Variants in GLRA2 observed in about 807,000 individuals in gnomAD.
The protein encoded by GLRA2 is glycine receptor subunit alpha-2.
Under a neutral mutation model 31.6 loss-of-function variants are expected in GLRA2, and 11 were observed. That is an observed-to-expected ratio of 0.35 (90% CI 0.22 to 0.58). The LOEUF (loss-of-function observed/expected upper bound fraction) is 0.58, where lower values mean the gene tolerates loss of function less well. Ranked by LOEUF, GLRA2 falls within the 20% of genes least tolerant of loss-of-function variation. The pLI is 0.84. For missense variants in GLRA2, 212 were observed against 351.8 expected (o/e 0.60, Z 3.18); for synonymous variants, 132 against 134.0 (o/e 0.99, Z 0.10).
chrX:14,555,517 T>A (rs1356230065), intron 2 of GLRA2, among the ~76,000 whole-genome samples: 1 of 111,564 alleles, frequency 9.0e-6, no homozygotes, highest in East Asian at 2.8e-4. Flanking sequence ...AGGGCAACGG[T>A]TAAGACTTTC....
intron 2 of GLRA2, among the ~76,000 whole-genome samples, chrX:14,558,478 C>A (rs939550388): frequency 4.5e-5 from 5 of 111,717 alleles, no homozygotes; most frequent in East Asian, 5.6e-4. Context: ...AGTAGTATGA[C>A]CCAAATTCCA....
At position 14,730,459 on chromosome X, in the gene GLRA2, C is replaced by T. The variant is rs773738326; in HGVS notation, c.1333C>T (p.Arg445Trp). ...IFYWITYKII[R>W]HEDVHKK ...TTACTGGATCACATACAAGATCATT[C>T]GGCATGAAGATGTCCACAAGAAATA... The change falls in exon 9 of 9, where the codon CGG (arginine) becomes TGG (tryptophan). Residue 445 changes from arginine to tryptophan, a missense_variant. By Grantham distance (101) the Arg-to-Trp change is moderately radical. Around this residue, in one of 5 missense-constraint regions of GLRA2, gnomAD observed 42 missense variants for 52.0 expected, o/e 0.81. Transcript: ENST00000218075. The T allele has an allele frequency of 8.3e-7, 1 of 1,206,942 alleles. No homozygotes were observed. The highest frequency in any genetic ancestry group is 1.8e-5 in the South Asian group (1 of 56,816).
chrX:14,624,283 A>T (rs954919189), intron 7 of GLRA2, among the ~76,000 whole-genome samples: 2 of 110,429 alleles, frequency 1.8e-5, no homozygotes, highest in African/African-American at 6.6e-5. Context: ...TGTTTTGTTG[A>T]TCTTTTCAAA....
the GLRA2 span, among the ~76,000 whole-genome samples, chrX:14,465,198 G>T: frequency 9.0e-6 from 1 of 111,581 alleles, no homozygotes; most frequent in East Asian, 2.8e-4. Context: ...CCTTATAGAG[G>T]TATTTTTGTA....
At chrX:14,701,908 C>T (rs938464754) in intron 8 of GLRA2, among the ~76,000 whole-genome samples, 1 of 111,837 alleles carries the variant, frequency 8.9e-6, no homozygotes, top group Admixed American at 9.5e-5. Flanking sequence ...CTGGGGTAGA[C>T]AGGCTCAGAC....
intron 4 of GLRA2, among the ~76,000 whole-genome samples, chrX:14,593,238 G>T (rs745773237): frequency 9.4e-6 from 1 of 106,805 alleles, no homozygotes; most frequent in South Asian, 4.2e-4. Flanking sequence ...GCGTATCTCA[G>T]CAGTCTCTCC....
At chrX:14,602,625 T>C (rs1347229197) in intron 4 of GLRA2, among the ~76,000 whole-genome samples, 2 of 111,123 alleles carry the variant, frequency 1.8e-5, no homozygotes, top group Non-Finnish European at 3.8e-5. Flanking sequence ...GTGTCATTCT[T>C]ATGCCTTTGC....
the GLRA2 span, among the ~76,000 whole-genome samples, chrX:14,505,760 T>C: frequency 9.0e-6 from 1 of 111,631 alleles, no homozygotes; most frequent in Non-Finnish European, 1.9e-5. Flanking sequence ...CAGAAATGAA[T>C]ATAAAAACCA....
intron 7 of GLRA2, among the ~76,000 whole-genome samples, chrX:14,632,437 T>G (rs930991372): frequency 3.6e-5 from 4 of 111,668 alleles, no homozygotes; most frequent in African/African-American, 1.3e-4. Context: ...AGTTCAGTTG[T>G]TCTAATCAAT....
chrX:14,623,805 A>G (rs1301317353), intron 7 of GLRA2, among the ~76,000 whole-genome samples: 3 of 111,070 alleles, frequency 2.7e-5, no homozygotes, highest in African/African-American at 9.8e-5. Flanking sequence ...TTGGTCTAAA[A>G]TTTTCTTTTT....
At chrX:14,500,094 C>A in the GLRA2 span, among the ~76,000 whole-genome samples, 8 of 111,942 alleles carry the variant, frequency 7.1e-5, no homozygotes, top group Admixed American at 6.6e-4. Flanking sequence ...GTTGCTTGTG[C>A]TTTTGCAGTC....
At chrX:14,699,299 A>G (rs5935795) in intron 8 of GLRA2, among the ~76,000 whole-genome samples, 25,971 of 111,371 alleles carry the variant, frequency 0.23, 2,258 homozygotes, top group Non-Finnish European at 0.26. Context: ...CTGGCATTGT[A>G]CCTAATTTCA....
chrX:14,654,225 A>C (rs772513630), intron 7 of GLRA2, among the ~76,000 whole-genome samples: 1 of 112,066 alleles, frequency 8.9e-6, no homozygotes, highest in South Asian at 3.8e-4. Context: ...ATGTCAAGAC[A>C]AGACCACATC....
the GLRA2 span, among the ~76,000 whole-genome samples, chrX:14,456,711 A>G: frequency 1.8e-5 from 2 of 112,572 alleles, no homozygotes; most frequent in Non-Finnish European, 3.8e-5. Flanking sequence ...TGGCCAAATA[A>G]TATTCCATCA....
chrX:14,571,804 G>A (rs1281454345), intron 2 of GLRA2, among the ~76,000 whole-genome samples: 1 of 111,403 alleles, frequency 9.0e-6, no homozygotes, highest in Non-Finnish European at 1.9e-5. Flanking sequence ...AAAGTCAGAT[G>A]TAAAGGATTA....
rs1021444839 is a variant in GLRA2, at chrX:14,627,697, C to T, written c.930+18492C>T. 9.0e-5 allele frequency among the ~76,000 whole-genome samples: 10 copies of T among 111,571 alleles called. 1 individual carries two copies. The highest frequency in any genetic ancestry group is 2.9e-4 in the African/African-American group (9 of 30,705). On this transcript the variant is annotated intron_variant, in intron 7 of 8. Transcript: ENST00000218075. Reference sequence around the variant, plus strand: ...TGTTTCCTACTCACTTCCTGAACAACTCTTTCGTATGGAAAGGGTTATTAA... The same window carrying T: ...TGTTTCCTACTCACTTCCTGAACAATTCTTTCGTATGGAAAGGGTTATTAA...
chrX:14,581,631 T>C (rs1458609110), intron 4 of GLRA2, among the ~76,000 whole-genome samples: 2 of 111,659 alleles, frequency 1.8e-5, no homozygotes, highest in Non-Finnish European at 3.8e-5. Flanking sequence ...GTTAATGGTA[T>C]TGTGTAATCA....
the GLRA2 span, among the ~76,000 whole-genome samples, chrX:14,458,543 G>A: frequency 2.7e-5 from 3 of 112,035 alleles, no homozygotes; most frequent in Admixed American, 1.9e-4. Flanking sequence ...GTTGTTTCCT[G>A]ACATTTTAAT....
At chrX:14,650,377 A>C (rs2090875904) in intron 7 of GLRA2, among the ~76,000 whole-genome samples, 1 of 110,767 alleles carries the variant, frequency 9.0e-6, no homozygotes, top group Non-Finnish European at 1.9e-5. Flanking sequence ...GAAAAAAAAA[A>C]ACAAAATCCC....
Sources: gnomAD v4.1 joint callset for allele counts (sites outside exome capture counted in the v4.1 genomes callset) on GRCh38, gnomAD v4.1.1 for gene constraint, gnomAD v4.1.1 regional missense constraint, MANE v1.5 for transcripts, NCBI Gene and HGNC (gene_info 2026-07-23, HGNC 2026-07-21) for gene names.